The following CD63 variants were observed in gnomAD, a reference collection of about 807,000 sequenced individuals.
CD63 encodes CD63 antigen.
Under a neutral mutation model 29.2 loss-of-function variants are expected in CD63, and 16 were observed. The ratio of observed to expected loss-of-function variants is 0.55; its 90% CI spans 0.37 to 0.83. CD63 has a LOEUF of 0.83. Ranked by LOEUF, CD63 falls within the 40% of genes least tolerant of loss-of-function variation. The pLI is 0.00. For synonymous variants in CD63, 118 were observed against 111.7 expected, an observed-to-expected ratio of 1.06 and a Z score of -0.36; for missense variants, 251 against 297.3, an observed-to-expected ratio of 0.84 and a Z score of 1.15.
At position 55,728,857 on chromosome 12, in the gene CD63, C is replaced by A. The variant is rs147640056; in HGVS notation, c.-12+96G>T. On this transcript the variant is annotated intron_variant, in intron 1 of 7. Transcript: ENST00000257857. This position sits in a 1 kb window ranked among gnomAD's most constrained non-coding sequence, Gnocchi z 4.8. ...TCCAGGGCGGCTGGAGAGCGCCGGA[C>A]GAGTCTCCGCGGGCCTGGGGCGAGC... The A allele has an allele frequency of 4.2e-5, 42 of 990,002 alleles. No homozygotes were observed. The East Asian group carries it at 4.6e-3, about 109-fold the overall frequency. The allele number at this position is 990,002 out of a possible 1,614,324, so 61.3% of individuals were successfully genotyped here. A position where few individuals can be genotyped will look rare whatever the true frequency, so the allele number is the denominator to read the frequency against.
At chr12:55,723,730 C>T, downstream of CD63, 1 of 805,036 alleles carries the variant, frequency 1.2e-6, no homozygotes, top group Non-Finnish European at 2.1e-6. Context: ...TTTCCTCCCT[C>T]TACCCCACTT....
chr12:55,725,604 C>G lies in CD63; in HGVS notation c.674G>C (p.Cys225Ser). 6.2e-7 allele frequency: 1 copy of G among 1,614,106 alleles called. No individual in the cohort carries two copies. ...FVEVLGIVFA[C>S]CLVKSIRSGY... ...ACTTCTGATACTCTTCACGAGGCAG[C>G]AGGCAAAGACAATTCCCAAAACCTA... Residue 225 changes from cysteine (C) to serine (S), a missense_variant, in exon 8 of 8, where the codon TGC becomes TCC. Transcript: ENST00000257857.
rs1877669154 is a variant in CD63 at position 55,728,485 on chromosome 12, T to C, written c.-11-133A>G. The C allele has an allele frequency of 6.7e-7, 1 of 1,485,916 alleles. No homozygotes were observed. The highest frequency in any genetic ancestry group is 8.9e-7 in the Non-Finnish European group (1 of 1,120,600). 92.0% of individuals were successfully genotyped at this position (1,485,916 alleles called of 1,614,324 possible). On this transcript the variant is annotated intron_variant, in intron 1 of 7. Coordinates refer to ENST00000257857, the MANE Select transcript of CD63 (RefSeq NM_001780.6). The surrounding 1 kb of genome is among the most constrained non-coding windows in gnomAD (Gnocchi z 4.8). ...GCCCCTCCCACCCGGAAACCCGCGG[T>C]CGGATCCACGTCTCCCAGCCCCCTC...
chr12:55,724,085 GA>G, downstream of CD63: 2 of 1,597,336 alleles, frequency 1.3e-6, no homozygotes, highest in African/African-American at 1.3e-5. Context: ...CACATGAAGG[GA>G]AACAAGTACC....
chr12:55,723,773 C>T, downstream of CD63: 4 of 1,277,838 alleles, frequency 3.1e-6, no homozygotes, highest in Non-Finnish European at 3.4e-6. Context: ...GCATCTCCGT[C>T]AAAACTCTTG....
downstream of CD63, chr12:55,724,114 A>G (rs1877078183): frequency 1.3e-6 from 2 of 1,567,196 alleles, no homozygotes; most frequent in African/African-American, 1.4e-5. Flanking sequence ...CCAGTCCTGC[A>G]TAAGCCTGCT....
rs764938653 is a variant in CD63, at chr12:55,726,804, A to C, written c.331-9T>G. The C allele has an allele frequency of 6.2e-7, 1 of 1,610,590 alleles. No homozygotes were observed. Among genetic ancestry groups the C allele is most frequent in the Non-Finnish European group, 8.5e-7 (1 of 1,176,712 alleles). ...TTAAACTCTGACATCACCTGAGAGTACGGAGGAGCACTGTTGCAGTCAGAA... is the reference window on the plus strand; with the variant it reads ...TTAAACTCTGACATCACCTGAGAGTCCGGAGGAGCACTGTTGCAGTCAGAA... On this transcript the variant is annotated splice_polypyrimidine_tract_variant and intron_variant, in intron 4 of 7. Coordinates refer to ENST00000257857, the MANE Select transcript of CD63 (RefSeq NM_001780.6).
chr12:55,727,476 T>G, intron 2 of CD63, 137 bp from the exon 3 acceptor site: 1 of 1,197,166 alleles, frequency 8.4e-7, no homozygotes, highest in Non-Finnish European at 1.1e-6. Flanking sequence ...GGAATTTCTT[T>G]GGCTGTGGGG....
downstream of CD63, chr12:55,724,708 C>T (rs981859820): frequency 5.4e-6 from 4 of 744,750 alleles, no homozygotes; most frequent in African/African-American, 6.9e-5. Flanking sequence ...CAGTGGAAGG[C>T]TGACCCCATT....
intron 2 of CD63, chr12:55,727,826 G>C: frequency 9.6e-7 from 1 of 1,041,028 alleles, no homozygotes. Flanking sequence ...AGGAGCCCAG[G>C]GCAGGAGCAA....
chr12:55,729,318 C>G (rs1013821664), upstream of CD63: 2 of 177,100 alleles, frequency 1.1e-5, no homozygotes, highest in East Asian at 3.8e-4. Flanking sequence ...CGGGGCGGAG[C>G]GCAGCCTGGG....
At position 55,725,362 on chromosome 12, in the gene CD63, C is replaced by T. The variant is rs192822211; in HGVS notation, c.*199G>A. 3.0e-4 allele frequency: 178 copies of T among 599,076 alleles called. 1 individual carries two copies. In the East Asian group the frequency reaches 4.9e-3, roughly 17 times the overall value. The allele number at this position is 599,076 out of a possible 1,614,324, so 37.1% of individuals were successfully genotyped here. A position where few individuals can be genotyped will look rare whatever the true frequency, so the allele number is the denominator to read the frequency against. ...AAAGTCCTCCTTTCCCAAACACCCC[C>T]CAAAATAGACCTCGAAGTACACATG... On this transcript the variant is annotated 3_prime_UTR_variant, in exon 8 of 8. Transcript: ENST00000257857.
chr12:55,724,010 G>T, downstream of CD63: 1 of 1,612,942 alleles, frequency 6.2e-7, no homozygotes. Flanking sequence ...GCTGCCTCCT[G>T]CCACACAGGC....
At position 55,727,223 on chromosome 12, in the gene CD63, A is replaced by G. The variant is rs1877501810; in HGVS notation, c.183T>C (p.Gly61=). The change falls in exon 3 of 8, where the codon GGT becomes GGC. Residue 61 remains glycine (G), a synonymous_variant. Coordinates refer to ENST00000257857, the MANE Select transcript of CD63 (RefSeq NM_001780.6). The stretch of plus-strand genomic sequence containing the variant: ...CAAAAGCCACCAGGAAGAGGAAGAC[A>G]CCCACTGCGATGATGACCACTGGCA... ...SLLPVVIIAV[G]VFLFLVAFVG... The G allele has an allele frequency of 2.5e-6, 4 of 1,613,830 alleles. No individual in the cohort carries two copies. Among genetic ancestry groups the G allele is most frequent in the Non-Finnish European group, 3.4e-6 (4 of 1,180,012 alleles).
intron 2 of CD63, chr12:55,727,656 T>C: frequency 9.0e-7 from 1 of 1,109,192 alleles, no homozygotes. Flanking sequence ...CCAGCTCAAT[T>C]CTCTCCCAGA....
At position 55,728,575 on chromosome 12, in the gene CD63, G is replaced by T; in HGVS notation, c.-11-223C>A. 7.1e-7 allele frequency: 1 copy of T among 1,417,132 alleles called. No individual in the cohort carries two copies. Among genetic ancestry groups the T allele is most frequent in the South Asian group, 1.5e-5 (1 of 67,234 alleles). 87.8% of individuals were successfully genotyped at this position (1,417,132 alleles called of 1,614,324 possible). A position where few individuals can be genotyped will look rare whatever the true frequency, so the allele number is the denominator to read the frequency against. On this transcript the variant is annotated intron_variant, in intron 1 of 7. Transcript: ENST00000257857. This position sits in a 1 kb window ranked among gnomAD's most constrained non-coding sequence, Gnocchi z 4.8. ...CCCGGACCCCGCCCCGCCGCCTCTG[G>T]GGCCCAGGACAGATCCAAGGGCGCC...
rs535152318 is a variant in CD63 at position 55,728,145 on chromosome 12, G to A, written c.66+131C>T. ...AACTGGAGGAGGGAGTGGCTGCGCT[G>A]TCTTTCCCTGGCTTTCTTTCCACAT... On this transcript the variant is annotated intron_variant, in intron 2 of 7. Coordinates refer to ENST00000257857, the MANE Select transcript of CD63 (RefSeq NM_001780.6). This position sits in a 1 kb window ranked among gnomAD's most constrained non-coding sequence, Gnocchi z 4.8. 2 of 919,970 alleles carry A rather than the reference G, an allele frequency of 2.2e-6. No individual in the cohort carries two copies. The highest frequency in any genetic ancestry group is 3.0e-5 in the South Asian group (2 of 66,878). The allele number at this position is 919,970 out of a possible 1,614,324, so 57.0% of individuals were successfully genotyped here.
chr12:55,723,551 T>G (rs1443979601), downstream of CD63: 5 of 319,758 alleles, frequency 1.6e-5, no homozygotes, highest in African/African-American at 6.6e-5. Context: ...CTGATAATGG[T>G]TTTTTTTATT....
Position 55,728,730 on chromosome 12 carries a change from T to A in CD63, c.-12+223A>T. On this transcript the variant is annotated intron_variant, in intron 1 of 7. Coordinates refer to ENST00000257857, the MANE Select transcript of CD63 (RefSeq NM_001780.6). This position sits in a 1 kb window ranked among gnomAD's most constrained non-coding sequence, Gnocchi z 4.8. ...ACCCCGACCCCCGCCCCAGCCCCTT[T>A]CCCCTGGGCTCTGACCTCCCCGCCC... 1 of 991,582 alleles carries A rather than the reference T, an allele frequency of 1.0e-6. No individual in the cohort carries two copies. The highest frequency in any genetic ancestry group is 1.2e-6 in the Non-Finnish European group (1 of 836,450). The allele number at this position is 991,582 out of a possible 1,614,324, so 61.4% of individuals were successfully genotyped here. A position where few individuals can be genotyped will look rare whatever the true frequency, so the allele number is the denominator to read the frequency against.
Sources: gnomAD v4.1 joint callset for allele counts on GRCh38, gnomAD v4.1.1 for gene constraint, Gnocchi (gnomAD v3.1) non-coding constraint, MANE v1.5 for transcripts, NCBI Gene and HGNC (gene_info 2026-07-23, HGNC 2026-07-21) for gene names.